Variants in NIN observed in about 807,000 individuals in gnomAD.
NIN encodes glycogen synthase kinase 3 beta-interacting protein.
Under a neutral mutation model 257.6 loss-of-function variants are expected in NIN, and 137 were observed. The observed-to-expected ratio is 0.53, with a 90% CI of 0.46 to 0.61. NIN has a LOEUF of 0.61. Among genes scored for constraint, NIN ranks in the 20% least tolerant of loss-of-function variants. The pLI is 0.00. For synonymous variants in NIN, 918 were observed against 919.8 expected, an observed-to-expected ratio of 1.00 and a Z score of 0.04; for missense variants, 2,439 against 2,501.2, an observed-to-expected ratio of 0.98 and a Z score of 0.53.
intron 3 of NIN, among the ~76,000 whole-genome samples, chr14:50,813,219 C>A (rs2142310692): frequency 6.6e-6 from 1 of 152,342 alleles, no homozygotes; most frequent in Middle Eastern, 3.4e-3. Context: ...GGGAGCTTTA[C>A]TATTGTATTT....
chr14:50,722,276 T>G lies in NIN; in HGVS notation c.*1187A>C, dbSNP rs2040286791. 1 of 222,844 alleles carries G rather than the reference T, an allele frequency of 4.5e-6. No homozygotes were observed. Among genetic ancestry groups the G allele is most frequent in the South Asian group, 1.9e-4 (1 of 5,404 alleles). 13.8% of individuals were successfully genotyped at this position (222,844 alleles called of 1,614,324 possible). A position where few individuals can be genotyped will look rare whatever the true frequency, so the allele number is the denominator to read the frequency against. On this transcript the variant is annotated 3_prime_UTR_variant, in exon 31 of 31. Transcript: ENST00000530997. Reference sequence around the variant, plus strand: ...TGACCTCAGGTGGCATGCCAATGATTATCACAGTAAGAAATTCTTAGAATC... The same window carrying G: ...TGACCTCAGGTGGCATGCCAATGATGATCACAGTAAGAAATTCTTAGAATC...
intron 21 of NIN, among the ~76,000 whole-genome samples, chr14:50,752,033 CTT>C (rs555496894): frequency 1.1e-4 from 16 of 152,054 alleles, no homozygotes; most frequent in Non-Finnish European, 2.4e-4. Flanking sequence ...GCCAAGTAAA[CTT>C]TTTTTAACAT....
chr14:50,776,897 C>A, intron 7 of NIN, 52 bp downstream of exon 7: 1 of 1,505,510 alleles, frequency 6.6e-7, no homozygotes, highest in Non-Finnish European at 9.0e-7. Context: ...AGCATGTGGT[C>A]AACTACACTT....
intron 21 of NIN, among the ~76,000 whole-genome samples, chr14:50,749,720 C>T (rs1315460375): frequency 6.6e-6 from 1 of 152,088 alleles, no homozygotes; most frequent in Non-Finnish European, 1.5e-5. Context: ...GATAAGGTCT[C>T]ACTCTGTTGC....
intron 5 of NIN, among the ~76,000 whole-genome samples, chr14:50,784,130 T>C (rs2043245885): frequency 6.6e-6 from 1 of 152,224 alleles, no homozygotes; most frequent in African/African-American, 2.4e-5. Context: ...GGCACAGTTG[T>C]AGACAGATAA....
At chr14:50,727,260 A>T in intron 29 of NIN, 1 of 968,986 alleles carries the variant, frequency 1.0e-6, no homozygotes, top group Non-Finnish European at 1.2e-6. Context: ...TTATTGTTTC[A>T]TCAAAAATTT....
chr14:50,768,073 ACAC>A (rs2042580115), intron 12 of NIN, among the ~76,000 whole-genome samples: 1 of 149,622 alleles, frequency 6.7e-6, no homozygotes, highest in Non-Finnish European at 1.5e-5. Flanking sequence ...ACACACACAC[ACAC>A]ACACACACAC....
At chr14:50,791,807 G>GCACACACAAA (rs57083345) in intron 5 of NIN, among the ~76,000 whole-genome samples, 2,614 of 116,688 alleles carry the variant, frequency 0.022, 39 homozygotes, top group Non-Finnish European at 0.023. Flanking sequence ...AGGTGCACGC[G>GCACACACAAA]CACACACACA....
At chr14:50,751,424 GC>G (rs1225516800) in intron 21 of NIN, among the ~76,000 whole-genome samples, 10 of 152,138 alleles carry the variant, frequency 6.6e-5, no homozygotes, top group African/African-American at 2.2e-4. Flanking sequence ...CCACAGCCTT[GC>G]CAACAGAGTA....
intron 22 of NIN, among the ~76,000 whole-genome samples, chr14:50,747,291 C>T (rs1370722278): frequency 2.6e-5 from 4 of 152,204 alleles, no homozygotes; most frequent in Non-Finnish European, 4.4e-5. Flanking sequence ...TCTTCAGTGC[C>T]TCACAAATCA....
At chr14:50,821,224 T>C (rs1426745812) in intron 3 of NIN, among the ~76,000 whole-genome samples, 2 of 152,162 alleles carry the variant, frequency 1.3e-5, no homozygotes, top group Non-Finnish European at 2.9e-5. Context: ...AGATCAAATA[T>C]CCACCATTGG....
At chr14:50,798,012 G>T (rs2043919516) in intron 4 of NIN, among the ~76,000 whole-genome samples, 1 of 152,068 alleles carries the variant, frequency 6.6e-6, no homozygotes, top group Non-Finnish European at 1.5e-5. Flanking sequence ...GGATGGGAAG[G>T]GAGAAGGGGA....
intron 21 of NIN, among the ~76,000 whole-genome samples, chr14:50,750,773 G>T (rs776495515): frequency 2.0e-5 from 3 of 152,124 alleles, no homozygotes; most frequent in Non-Finnish European, 2.9e-5. Flanking sequence ...TTATTCTGGG[G>T]GTAAGTGAAG....
chr14:50,800,526 C>T (rs1177098376), intron 4 of NIN, among the ~76,000 whole-genome samples: 1 of 152,156 alleles, frequency 6.6e-6, no homozygotes, highest in African/African-American at 2.4e-5. Flanking sequence ...AATGACTAAC[C>T]TTATACACAC....
rs186252181 is a variant in NIN, at chr14:50,722,521, G to A, written c.*942C>T. On this transcript the variant is annotated 3_prime_UTR_variant, in exon 31 of 31. Coordinates refer to ENST00000530997, the MANE Select transcript of NIN (RefSeq NM_020921.4). ...TTATACATTTCAAATTCTTAGAGAG[G>A]CCCTACAGTAGTTCAGGAAGACAGT... is the stretch of plus-strand genomic sequence containing the variant. The A allele has an allele frequency of 6.7e-5, 14 of 208,708 alleles. No homozygotes were observed. Among genetic ancestry groups the A allele is most frequent in the Non-Finnish European group, 1.3e-4 (13 of 102,356 alleles). The allele number at this position is 208,708 out of a possible 1,614,324, so 12.9% of individuals were successfully genotyped here. A position where few individuals can be genotyped will look rare whatever the true frequency, so the allele number is the denominator to read the frequency against.
chr14:50,763,699 A>C (rs1248114917), intron 15 of NIN, 127 bp downstream of exon 15: 2 of 765,720 alleles, frequency 2.6e-6, no homozygotes, highest in Non-Finnish European at 4.0e-6. Flanking sequence ...TCAAGAAAAG[A>C]GTATGGCCAA....
In NIN at chr14:50,723,327, A is replaced by G. The variant is rs2140300476; in HGVS notation, c.*136T>C. Reference sequence around the variant, plus strand: ...ACTCCCATAAGGGTCTATTTAGAAAAACTAATTATGATAAATGGAAACTCC... The same window carrying G: ...ACTCCCATAAGGGTCTATTTAGAAAGACTAATTATGATAAATGGAAACTCC... On this transcript the variant is annotated 3_prime_UTR_variant, in exon 31 of 31. Transcript: ENST00000530997. The G allele has an allele frequency of 1.5e-6, 1 of 666,184 alleles. No homozygotes were observed. The highest frequency in any genetic ancestry group is 1.8e-5 in the African/African-American group (1 of 55,076). The allele number at this position is 666,184 out of a possible 1,614,324, so 41.3% of individuals were successfully genotyped here.
intron 3 of NIN, among the ~76,000 whole-genome samples, chr14:50,814,844 A>G (rs142340557): frequency 6.6e-6 from 1 of 152,376 alleles, no homozygotes; most frequent in South Asian, 2.1e-4. Context: ...CCATATGCAG[A>G]AAATTGGAAC....
In NIN at chr14:50,741,709, G is replaced by A. The variant is rs751339556; in HGVS notation, c.5321C>T (p.Thr1774Ile). Reference protein sequence around the residue: ...SQEKVQNLEDTVQNVNLQMSR... With the variant: ...SQEKVQNLEDIVQNVNLQMSR... ...CATTTGCAGGTTTACATTCTGCACG[G>A]TGTCTTCTAAATTCTGAACCTGTAT... Residue 1774 changes from threonine (T) to isoleucine (I), a missense_variant, in exon 25 of 31, where the codon ACC becomes ATC. Transcript: ENST00000530997. 12 of 1,613,496 alleles carry A rather than the reference G, an allele frequency of 7.4e-6. No homozygotes were observed. The highest frequency in any genetic ancestry group is 1.0e-5 in the Non-Finnish European group (12 of 1,179,858).
Sources: allele counts gnomAD v4.1 joint callset (sites outside exome capture counted in the v4.1 genomes callset), GRCh38; gene constraint gnomAD v4.1.1; transcripts MANE v1.5; gene names NCBI Gene and HGNC (gene_info 2026-07-23, HGNC 2026-07-21).